The following FGF14 variants were observed in gnomAD, a reference collection of about 807,000 sequenced individuals.
FGF14 encodes fibroblast growth factor 14.
In FGF14, 5 loss-of-function variants were observed where a neutral mutation model predicts 25.5. The observed-to-expected ratio is 0.20, with a 90% CI of 0.10 to 0.41. The LOEUF is 0.41. FGF14 is among the 10% of genes least tolerant of loss of function. The pLI, the probability that FGF14 is intolerant of heterozygous loss-of-function variation, is 1.00. For missense variants in FGF14, 222 were observed against 320.1 expected, an observed-to-expected ratio of 0.69 and a Z score of 2.34; for synonymous variants, 138 against 118.3, an observed-to-expected ratio of 1.17 and a Z score of -1.08.
intron 1 of FGF14, among the ~76,000 whole-genome samples, chr13:102,055,537 T>C (rs909117949): frequency 5.3e-5 from 8 of 152,250 alleles, no homozygotes; most frequent in African/African-American, 1.9e-4. Context: ...CTCTTTACCC[T>C]GTTCTATTAA....
chr13:102,163,875 C>A (rs1265646342), intron 1 of FGF14, among the ~76,000 whole-genome samples: 1 of 152,060 alleles, frequency 6.6e-6, no homozygotes, highest in Admixed American at 6.6e-5. Context: ...AAGTCTGGAA[C>A]AAAGTGAAGC....
intron 1 of FGF14, among the ~76,000 whole-genome samples, chr13:102,314,265 G>A (rs1211754821): frequency 1.3e-5 from 2 of 152,194 alleles, no homozygotes; most frequent in East Asian, 3.8e-4. Flanking sequence ...ATTCACTTGT[G>A]TATCATCATG....
intron 1 of FGF14, among the ~76,000 whole-genome samples, chr13:102,302,202 C>A (rs2055104828): frequency 6.6e-6 from 1 of 152,114 alleles, no homozygotes; most frequent in Admixed American, 6.6e-5. Context: ...TTCTGCAGAG[C>A]ATTGAATGGA....
chr13:102,024,855 C>A (rs1167760746), intron 1 of FGF14, among the ~76,000 whole-genome samples: 1 of 151,778 alleles, frequency 6.6e-6, no homozygotes, highest in South Asian at 2.1e-4. Flanking sequence ...ATTTCCCCCA[C>A]TGAATAGTCT....
At chr13:101,828,928 A>C (rs1470123961) in intron 3 of FGF14, among the ~76,000 whole-genome samples, 1 of 152,096 alleles carries the variant, frequency 6.6e-6, no homozygotes, top group Non-Finnish European at 1.5e-5. Context: ...ACTCATTACC[A>C]ATATCATACT....
chr13:102,275,442 A>G (rs2053489752), intron 1 of FGF14, among the ~76,000 whole-genome samples: 1 of 152,180 alleles, frequency 6.6e-6, no homozygotes, highest in Non-Finnish European at 1.5e-5. Context: ...TGTATTTAAA[A>G]TAGAATGGAT....
intron 3 of FGF14, among the ~76,000 whole-genome samples, chr13:101,765,718 TTTTATTTA>T (rs561624693): frequency 2.1e-5 from 3 of 143,320 alleles, no homozygotes; most frequent in Non-Finnish European, 3.0e-5. Flanking sequence ...ATTATTATTA[TTTTATTTA>T]TTTATTTATT....
intron 3 of FGF14, among the ~76,000 whole-genome samples, chr13:101,731,796 C>T (rs966850280): frequency 6.6e-6 from 1 of 152,202 alleles, no homozygotes; most frequent in Non-Finnish European, 1.5e-5. Flanking sequence ...ACACAATTTT[C>T]ACCTGTTTTT....
At chr13:101,858,855 CAAGTTT>C (rs1409366338) in intron 3 of FGF14, among the ~76,000 whole-genome samples, 2 of 151,998 alleles carry the variant, frequency 1.3e-5, no homozygotes, top group Non-Finnish European at 2.9e-5. Flanking sequence ...TTAAAACGTT[CAAGTTT>C]AAGTGGTGGC....
intron 1 of FGF14, among the ~76,000 whole-genome samples, chr13:101,989,401 AT>A (rs1406624334): frequency 6.6e-6 from 1 of 152,080 alleles, no homozygotes; most frequent in Non-Finnish European, 1.5e-5. Flanking sequence ...GGAGAATTCT[AT>A]GTTGATTATA....
At chr13:102,043,660 G>A (rs186015883) in intron 1 of FGF14, among the ~76,000 whole-genome samples, 67 of 152,226 alleles carry the variant, frequency 4.4e-4, no homozygotes, top group Non-Finnish European at 8.1e-4. Flanking sequence ...GCAAAACAGG[G>A]TAAAAGCAAA....
intron 3 of FGF14, chr13:101,802,051 T>G: frequency 2.7e-6 from 1 of 365,674 alleles, no homozygotes; most frequent in South Asian, 2.5e-5. Flanking sequence ...AAGATAAGTA[T>G]AAATCTGATA....
chr13:102,108,194 T>G (rs2045024238), intron 1 of FGF14, among the ~76,000 whole-genome samples: 1 of 152,222 alleles, frequency 6.6e-6, no homozygotes, highest in East Asian at 1.9e-4. Context: ...ATTTTTGATC[T>G]TATCTATTGT....
chr13:101,788,953 G>GAC (rs2040064365), intron 3 of FGF14, among the ~76,000 whole-genome samples: 1 of 28,342 alleles, frequency 3.5e-5, no homozygotes, highest in African/African-American at 8.8e-5. Flanking sequence ...GAGAGACAGA[G>GAC]AGAGAGAGAG....
chr13:101,739,015 T>G (rs1242920664), intron 3 of FGF14, among the ~76,000 whole-genome samples: 1 of 131,590 alleles, frequency 7.6e-6, no homozygotes, highest in Non-Finnish European at 1.7e-5. Context: ...TATATCTATC[T>G]ATATATATAT....
intron 1 of FGF14, among the ~76,000 whole-genome samples, chr13:101,970,866 C>T (rs1237191427): frequency 6.6e-6 from 1 of 152,156 alleles, no homozygotes; most frequent in Admixed American, 6.5e-5. Context: ...ACCAACCCTC[C>T]CATAGCCTGT....
chr13:102,377,197 C>T (rs1354130268), intron 1 of FGF14, among the ~76,000 whole-genome samples: 1 of 151,920 alleles, frequency 6.6e-6, no homozygotes, highest in Non-Finnish European at 1.5e-5. Flanking sequence ...ACAGGACAGG[C>T]TATTTATAGT....
At chr13:102,334,569 C>T (rs1194105545) in intron 1 of FGF14, among the ~76,000 whole-genome samples, 3 of 152,088 alleles carry the variant, frequency 2.0e-5, no homozygotes, top group African/African-American at 4.8e-5. Flanking sequence ...AGATGATCCT[C>T]CCATTGCACC....
chr13:102,386,093 G>A (rs1034798179), intron 1 of FGF14, among the ~76,000 whole-genome samples: 1 of 151,598 alleles, frequency 6.6e-6, no homozygotes, highest in Non-Finnish European at 1.5e-5. Flanking sequence ...AATTCTAAAG[G>A]GGAGGGAGAT....
Sources: allele counts gnomAD v4.1 joint callset (sites outside exome capture counted in the v4.1 genomes callset), GRCh38; gene constraint gnomAD v4.1.1; transcripts MANE v1.5; gene names NCBI Gene and HGNC (gene_info 2026-07-23, HGNC 2026-07-21).